The following ARHGEF12 variants were observed in gnomAD, a reference collection of about 807,000 sequenced individuals.
ARHGEF12 encodes KMT2A/ARHGEF12 fusion protein.
A neutral mutation model predicts 211.2 loss-of-function variants in ARHGEF12; 66 were observed. The ratio of observed to expected loss-of-function variants is 0.31; its 90% confidence interval spans 0.26 to 0.38. ARHGEF12 has a LOEUF of 0.38. Among genes scored for constraint, ARHGEF12 ranks in the 10% least tolerant of loss-of-function variants. The pLI is 1.00. For missense variants in ARHGEF12, 1,429 were observed against 1,869.5 expected, an observed-to-expected ratio of 0.76 and a Z score of 4.34; for synonymous variants, 592 against 638.4, an observed-to-expected ratio of 0.93 and a Z score of 1.09.
intron 2 of ARHGEF12, among the ~76,000 whole-genome samples, chr11:120,406,604 C>A (rs556553991): frequency 1.3e-5 from 2 of 151,974 alleles, no homozygotes; most frequent in Non-Finnish European, 1.5e-5. Flanking sequence ...TGTTGCCCAG[C>A]CTGGAGTGCA....
intron 37 of ARHGEF12, among the ~76,000 whole-genome samples, chr11:120,479,168 A>T (rs1947156116): frequency 6.6e-6 from 1 of 152,174 alleles, no homozygotes; most frequent in Admixed American, 6.5e-5. Context: ...TTAGGAAGAG[A>T]TAGAGATGTG....
At chr11:120,407,030 T>A (rs959541244) in intron 2 of ARHGEF12, among the ~76,000 whole-genome samples, 5 of 152,394 alleles carry the variant, frequency 3.3e-5, no homozygotes, top group Non-Finnish European at 5.9e-5. Context: ...ATTTAAAATG[T>A]AGGTAGTATG....
rs1302901431 is a variant in ARHGEF12, at chr11:120,488,351, C to T, written c.*3274C>T. On this transcript the variant is annotated 3_prime_UTR_variant, in exon 41 of 41. Coordinates refer to ENST00000397843, the MANE Select transcript of ARHGEF12 (RefSeq NM_015313.3). ...TCACAGAGGGCACCACTGAGAACTG[C>T]GTGCATAGGACCTCAAAATACAAAA... 6 of 213,852 alleles carry T rather than the reference C, an allele frequency of 2.8e-5. No homozygotes were observed. The highest frequency in any genetic ancestry group is 3.8e-5 in the Non-Finnish European group (4 of 105,908). The allele number at this position is 213,852 out of a possible 1,614,324, so 13.2% of individuals were successfully genotyped here.
intron 38 of ARHGEF12, among the ~76,000 whole-genome samples, chr11:120,480,894 G>A (rs888155612): frequency 6.6e-6 from 1 of 152,150 alleles, no homozygotes; most frequent in Non-Finnish European, 1.5e-5. Context: ...GAGCAGAGTG[G>A]GGCAGAGGCT....
Position 120,448,324 on chromosome 11 carries a change from G to T in ARHGEF12, c.1713G>T (p.Arg571=). The T allele has an allele frequency of 6.2e-7, 1 of 1,614,092 alleles. No individual in the cohort carries two copies. The highest frequency in any genetic ancestry group is 1.1e-5 in the South Asian group (1 of 91,076). ...EPRNLEHKRG[R]IGFLPKIKQS... is the part of the protein sequence containing the mutation. ...GAAATTTGGAGCACAAACGGGGTCG[G>T]ATTGGATTTCTTCCCAAAATCAAGG... Residue 571 remains arginine, a synonymous_variant, in exon 20 of 41, where the codon CGG becomes CGT. Coordinates refer to ENST00000397843, the MANE Select transcript of ARHGEF12 (RefSeq NM_015313.3).
At chr11:120,440,873 A>G (rs1435019314) in intron 13 of ARHGEF12, among the ~76,000 whole-genome samples, 2 of 152,146 alleles carry the variant, frequency 1.3e-5, no homozygotes, top group Admixed American at 1.3e-4. Flanking sequence ...TATTAGGTTA[A>G]GGAATACTCC....
chr11:120,482,014 C>G (rs1273692602), intron 39 of ARHGEF12, among the ~76,000 whole-genome samples: 1 of 152,182 alleles, frequency 6.6e-6, no homozygotes, highest in East Asian at 1.9e-4. Context: ...CTGCCTCGGC[C>G]TCCCAAAGTA....
intron 1 of ARHGEF12, among the ~76,000 whole-genome samples, chr11:120,349,220 A>G (rs1291401720): frequency 6.6e-6 from 1 of 152,224 alleles, no homozygotes; most frequent in African/African-American, 2.4e-5. Flanking sequence ...CTGGATGTGA[A>G]CAGTAAAAAA....
chr11:120,472,970 AAT>A, intron 30 of ARHGEF12, 78 bp from the exon 31 acceptor site: 1 of 1,396,650 alleles, frequency 7.2e-7, no homozygotes, highest in African/African-American at 1.4e-5. Flanking sequence ...GGAGATTTTA[AAT>A]GCCAAGTTTG....
rs1947436688 is a variant in ARHGEF12, at chr11:120,487,888, T to C, written c.*2811T>C. The C allele has an allele frequency of 4.6e-6, 1 of 219,518 alleles. No homozygotes were observed. The highest frequency in any genetic ancestry group is 5.8e-5 in the Admixed American group (1 of 17,282). 13.6% of individuals were successfully genotyped at this position (219,518 alleles called of 1,614,324 possible). A position where few individuals can be genotyped will look rare whatever the true frequency, so the allele number is the denominator to read the frequency against. On this transcript the variant is annotated 3_prime_UTR_variant, in exon 41 of 41. Transcript: ENST00000397843. ...ACATCATGATTACCACCTTCGAAGC[T>C]ATATATTTTGCATACTTTAAAATCA... is the stretch of plus-strand genomic sequence containing the variant.
At chr11:120,349,443 G>C (rs775592195) in intron 1 of ARHGEF12, among the ~76,000 whole-genome samples, 1 of 151,974 alleles carries the variant, frequency 6.6e-6, no homozygotes, top group Non-Finnish European at 1.5e-5. Flanking sequence ...TTAATTATGT[G>C]TGTGTGTATG....
At chr11:120,426,972 G>C (rs139242206) in intron 7 of ARHGEF12, among the ~76,000 whole-genome samples, 1,710 of 152,160 alleles carry the variant, frequency 0.011, 32 homozygotes, top group African/African-American at 0.039. Flanking sequence ...CGCCTCCCAG[G>C]TTCAAGTGAT....
chr11:120,364,099 G>A (rs1458372885), intron 1 of ARHGEF12, among the ~76,000 whole-genome samples: 2 of 152,128 alleles, frequency 1.3e-5, no homozygotes, highest in Admixed American at 6.5e-5. Flanking sequence ...TCGAGCCACT[G>A]TGCCTGACTC....
chr11:120,401,131 G>A (rs190739917), intron 1 of ARHGEF12, among the ~76,000 whole-genome samples: 33 of 152,260 alleles, frequency 2.2e-4, no homozygotes, highest in Admixed American at 1.0e-3. Flanking sequence ...ATGGCAGTAT[G>A]GCTATTGTAG....
At chr11:120,459,663 A>G (rs761396984) in intron 26 of ARHGEF12, among the ~76,000 whole-genome samples, 1 of 152,138 alleles carries the variant, frequency 6.6e-6, no homozygotes, top group South Asian at 2.1e-4. Flanking sequence ...GTGTTTTGTA[A>G]ATAGTAGTGT....
intron 4 of ARHGEF12, among the ~76,000 whole-genome samples, chr11:120,412,982 G>A (rs571232968): frequency 1.4e-4 from 21 of 152,144 alleles, no homozygotes; most frequent in South Asian, 6.2e-4. Context: ...TAATAGATTC[G>A]TAACTTACTT....
chr11:120,356,707 T>C (rs1943140370), intron 1 of ARHGEF12, among the ~76,000 whole-genome samples: 1 of 152,196 alleles, frequency 6.6e-6, no homozygotes, highest in African/African-American at 2.4e-5. Flanking sequence ...CTGGATTACT[T>C]GGTTTTTCTG....
chr11:120,388,025 A>G (rs1944092105), intron 1 of ARHGEF12, among the ~76,000 whole-genome samples: 1 of 152,134 alleles, frequency 6.6e-6, no homozygotes, highest in Admixed American at 6.6e-5. Flanking sequence ...CTATCACCAC[A>G]ATTGAGAAAA....
At chr11:120,454,806 C>T (rs1946316586) in intron 22 of ARHGEF12, among the ~76,000 whole-genome samples, 1 of 152,176 alleles carries the variant, frequency 6.6e-6, no homozygotes, top group Non-Finnish European at 1.5e-5. Flanking sequence ...GAAATGGTAG[C>T]TGGCTTTTCC....
Sources: gnomAD v4.1 joint callset for allele counts (sites outside exome capture counted in the v4.1 genomes callset) on GRCh38, gnomAD v4.1.1 for gene constraint, MANE v1.5 for transcripts, NCBI Gene and HGNC (gene_info 2026-07-23, HGNC 2026-07-21) for gene names.